The following DOCK2 variants were observed in gnomAD, a reference collection of about 807,000 sequenced individuals.
DOCK2 encodes dedicator of cytokinesis protein 2.
In DOCK2, 87 loss-of-function variants were observed where a neutral mutation model predicts 248.9. The ratio of observed to expected loss-of-function variants is 0.35; its 90% confidence interval spans 0.29 to 0.42. The LOEUF is 0.42. DOCK2 is among the 10% of genes least tolerant of loss of function. The pLI is 1.00. For missense variants in DOCK2, 1,747 were observed against 2,300.2 expected, an observed-to-expected ratio of 0.76 and a Z score of 4.92; for synonymous variants, 805 against 821.6, an observed-to-expected ratio of 0.98 and a Z score of 0.35.
At chr5:169,717,289 C>G in intron 20 of DOCK2, 95 bp from the exon 21 acceptor site, 2 of 1,008,946 alleles carry the variant, frequency 2.0e-6, no homozygotes, top group Non-Finnish European at 3.1e-6. Flanking sequence ...AATTCCTGGG[C>G]AAAGGATTTT....
chr5:169,983,565 T>C (rs1478073292), intron 28 of DOCK2, among the ~76,000 whole-genome samples: 1 of 152,238 alleles, frequency 6.6e-6, no homozygotes, highest in South Asian at 2.1e-4. Flanking sequence ...AGTTGGTCTC[T>C]GGGCCACCTT....
chr5:169,875,616 T>A lies in DOCK2; in HGVS notation c.2799+34764T>A, dbSNP rs1019014299. On this transcript the variant is annotated intron_variant, in intron 27 of 51. Transcript: ENST00000520908. ...CTCAGCTTCAATTGCCTAATCTGAA[T>A]GTTGAGCAAGTGCCTGACCCTTCCT... The A allele has an allele frequency of 2.2e-5, 5 of 228,896 alleles. No homozygotes were observed. In the Admixed American group the frequency reaches 2.6e-4, roughly 12 times the overall value. The allele number at this position is 228,896 out of a possible 1,614,324, so 14.2% of individuals were successfully genotyped here.
At chr5:169,892,658 A>G (rs1773364615) in intron 27 of DOCK2, among the ~76,000 whole-genome samples, 1 of 152,162 alleles carries the variant, frequency 6.6e-6, no homozygotes, top group African/African-American at 2.4e-5. Context: ...CCAGGGAGAT[A>G]TGACTACCAT....
chr5:169,925,374 G>A (rs564548798), intron 27 of DOCK2, among the ~76,000 whole-genome samples: 11 of 152,248 alleles, frequency 7.2e-5, no homozygotes, highest in South Asian at 6.2e-4. Flanking sequence ...AAGGTCAGGC[G>A]TTAAAGACCA....
At chr5:170,021,780 G>A (rs1242187359) in intron 33 of DOCK2, among the ~76,000 whole-genome samples, 2 of 152,140 alleles carry the variant, frequency 1.3e-5, no homozygotes, top group Non-Finnish European at 2.9e-5. Context: ...CGCCGGCCCA[G>A]GCATGGTTTT....
intron 27 of DOCK2, among the ~76,000 whole-genome samples, chr5:169,851,513 C>T (rs1770616447): frequency 6.6e-6 from 1 of 152,198 alleles, no homozygotes; most frequent in Non-Finnish European, 1.5e-5. Context: ...GTAGGGAGTG[C>T]TCCTAGATAA....
At chr5:169,849,589 T>C (rs1295239653) in intron 27 of DOCK2, among the ~76,000 whole-genome samples, 1 of 152,248 alleles carries the variant, frequency 6.6e-6, no homozygotes, top group African/African-American at 2.4e-5. Context: ...ATGATGACAA[T>C]GATATGTTTA....
intron 27 of DOCK2, among the ~76,000 whole-genome samples, chr5:169,891,034 C>T (rs534926188): frequency 1.5e-3 from 235 of 152,340 alleles, no homozygotes; most frequent in Middle Eastern, 3.4e-3. Context: ...ACCTTGAACA[C>T]AAGCCACAAC....
chr5:169,857,479 C>T (rs1038644194), intron 27 of DOCK2, among the ~76,000 whole-genome samples: 2 of 152,106 alleles, frequency 1.3e-5, no homozygotes, highest in African/African-American at 4.8e-5. Context: ...GTACCCGGCC[C>T]CTCTCTCACT....
chr5:169,746,774 T>C (rs950383433), intron 22 of DOCK2, among the ~76,000 whole-genome samples: 2 of 152,210 alleles, frequency 1.3e-5, no homozygotes. Context: ...ATTAAAACTT[T>C]GACAATAGCT....
chr5:169,967,803 A>AAAC (rs1456657718), intron 27 of DOCK2, among the ~76,000 whole-genome samples: 2 of 152,042 alleles, frequency 1.3e-5, no homozygotes, highest in Admixed American at 1.3e-4. Flanking sequence ...AGAAATGAAC[A>AAAC]AACTCAAGAC....
At chr5:169,680,074 C>A (rs754385384) in intron 6 of DOCK2, among the ~76,000 whole-genome samples, 1 of 152,198 alleles carries the variant, frequency 6.6e-6, no homozygotes, top group East Asian at 1.9e-4. Context: ...CTACCCCACT[C>A]CACAACCCAT....
At chr5:169,846,248 T>G (rs1770295515) in intron 27 of DOCK2, among the ~76,000 whole-genome samples, 1 of 152,170 alleles carries the variant, frequency 6.6e-6, no homozygotes. Flanking sequence ...GTGACAGTTT[T>G]TTTCTTCTTT....
At chr5:169,731,643 T>C (rs962840765) in intron 22 of DOCK2, among the ~76,000 whole-genome samples, 4 of 151,360 alleles carry the variant, frequency 2.6e-5, no homozygotes, top group African/African-American at 9.8e-5. Flanking sequence ...TAGCAGTCAT[T>C]GTGCCCAGGT....
intron 32 of DOCK2, among the ~76,000 whole-genome samples, chr5:170,013,863 G>T (rs1232594036): frequency 6.6e-6 from 1 of 152,142 alleles, no homozygotes; most frequent in Non-Finnish European, 1.5e-5. Flanking sequence ...TCAGGTTAGA[G>T]ATATAGCCCC....
intron 27 of DOCK2, among the ~76,000 whole-genome samples, chr5:169,911,019 A>T (rs893727532): frequency 2.0e-5 from 3 of 152,180 alleles, no homozygotes; most frequent in African/African-American, 4.8e-5. Flanking sequence ...GCCCCAGGAA[A>T]AGCATTTCTA....
At chr5:169,916,009 TC>T (rs1181936882) in intron 27 of DOCK2, among the ~76,000 whole-genome samples, 1 of 152,220 alleles carries the variant, frequency 6.6e-6, no homozygotes, top group East Asian at 1.9e-4. Context: ...TTACAAATGT[TC>T]TCAGATTCTC....
intron 2 of DOCK2, among the ~76,000 whole-genome samples, chr5:169,661,383 A>G (rs1472546013): frequency 6.6e-6 from 1 of 152,234 alleles, no homozygotes. Context: ...TAAGGTAGTA[A>G]GATAGTTACG....
chr5:169,918,692 C>A (rs1775012240), intron 27 of DOCK2, among the ~76,000 whole-genome samples: 1 of 152,210 alleles, frequency 6.6e-6, no homozygotes, highest in African/African-American at 2.4e-5. Flanking sequence ...GCGAGAGGAT[C>A]ACCTGAGTTC....
Sources: allele counts gnomAD v4.1 joint callset (sites outside exome capture counted in the v4.1 genomes callset), GRCh38; gene constraint gnomAD v4.1.1; transcripts MANE v1.5; gene names NCBI Gene and HGNC (gene_info 2026-07-23, HGNC 2026-07-21).